The following UGT1A9 variants were observed in gnomAD, a reference collection of about 807,000 sequenced individuals.
UGT1A9 encodes UDP-glucuronosyltransferase 1A9.
A neutral mutation model predicts 45.0 loss-of-function variants in UGT1A9; 35 were observed. That is an observed-to-expected ratio of 0.78 (90% CI 0.59 to 1.03). The LOEUF is 1.03. Among genes scored for constraint, UGT1A9 ranks in the 50% least tolerant of loss-of-function variants. The pLI is 0.00. For synonymous variants in UGT1A9, 278 were observed against 250.6 expected, an observed-to-expected ratio of 1.11 and a Z score of -1.03; for missense variants, 687 against 666.6, an observed-to-expected ratio of 1.03 and a Z score of -0.34.
At chr2:233,678,506 C>T (rs892905431) in intron 1 of UGT1A9, among the ~76,000 whole-genome samples, 10 of 152,070 alleles carry the variant, frequency 6.6e-5, no homozygotes, top group Admixed American at 1.3e-4. Flanking sequence ...GGAAATACAT[C>T]ATAATTACTG....
intron 1 of UGT1A9, among the ~76,000 whole-genome samples, chr2:233,690,245 A>G (rs1435694166): frequency 6.6e-6 from 1 of 152,202 alleles, no homozygotes; most frequent in Non-Finnish European, 1.5e-5. Context: ...CAAATTTCTT[A>G]TTTTAAGTCT....
intron 1 of UGT1A9, among the ~76,000 whole-genome samples, chr2:233,706,498 G>T (rs908363242): frequency 7.2e-5 from 11 of 152,246 alleles, no homozygotes; most frequent in African/African-American, 2.4e-4. Context: ...GTCCAGGCTG[G>T]TGTGATGCTG....
At chr2:233,725,279 GGCA>G (rs367576193) in intron 1 of UGT1A9, among the ~76,000 whole-genome samples, 53 of 44,274 alleles carry the variant, frequency 1.2e-3, no homozygotes, top group East Asian at 6.1e-3. Flanking sequence ...CAGAGGCAGA[GGCA>G]GAGGCAGAGG....
intron 1 of UGT1A9, among the ~76,000 whole-genome samples, chr2:233,694,985 A>T (rs550950022): frequency 2.0e-5 from 3 of 152,288 alleles, no homozygotes; most frequent in Admixed American, 2.0e-4. Context: ...TTATGTTGGG[A>T]ACATTCCCAT....
intron 1 of UGT1A9, among the ~76,000 whole-genome samples, chr2:233,731,455 G>A (rs1469328234): frequency 6.6e-6 from 1 of 152,026 alleles, no homozygotes; most frequent in Non-Finnish European, 1.5e-5. Context: ...CCCACAACAG[G>A]CCCTGGCGTG....
chr2:233,681,869 T>C (rs777670351), intron 1 of UGT1A9: 5 of 1,539,726 alleles, frequency 3.2e-6, no homozygotes, highest in Non-Finnish European at 3.5e-6. Context: ...GTTCTATCTG[T>C]ACTTCTTCCA....
At chr2:233,747,277 G>A (rs1044373750) in intron 1 of UGT1A9, 304 of 1,599,338 alleles carry the variant, frequency 1.9e-4, no homozygotes, top group Non-Finnish European at 2.4e-4. Context: ...CCTTCTCAGT[G>A]CCCAGCCCTG....
chr2:233,704,803 T>C (rs890648963), intron 1 of UGT1A9, among the ~76,000 whole-genome samples: 1 of 152,152 alleles, frequency 6.6e-6, no homozygotes, highest in African/African-American at 2.4e-5. Context: ...TAATTATATA[T>C]ATGTATATTG....
intron 1 of UGT1A9, among the ~76,000 whole-genome samples, chr2:233,675,390 T>C (rs2074319594): frequency 6.6e-6 from 1 of 152,204 alleles, no homozygotes. Context: ...CCTAGTCTTT[T>C]TGAATTTTTG....
At chr2:233,693,615 CT>C (rs779391112) in intron 1 of UGT1A9, 58 of 1,614,100 alleles carry the variant, frequency 3.6e-5, no homozygotes, top group South Asian at 8.8e-5. Context: ...GACCACATGA[CT>C]TTTTCCCAAC....
intron 1 of UGT1A9, among the ~76,000 whole-genome samples, chr2:233,703,898 C>CT (rs1039785943): frequency 2.0e-4 from 29 of 147,302 alleles, no homozygotes; most frequent in African/African-American, 4.5e-4. Context: ...TTTTTCTTTT[C>CT]TTTTTTTTTT....
chr2:233,734,656 T>C (rs2078546605), intron 1 of UGT1A9, among the ~76,000 whole-genome samples: 1 of 152,258 alleles, frequency 6.6e-6, no homozygotes, highest in African/African-American at 2.4e-5. Flanking sequence ...GATTTAATGC[T>C]ATAAATTTCC....
chr2:233,712,436 A>G (rs2076234082), intron 1 of UGT1A9, among the ~76,000 whole-genome samples: 2 of 152,212 alleles, frequency 1.3e-5, no homozygotes, highest in African/African-American at 2.4e-5. Flanking sequence ...CCTGGTGTGA[A>G]AAACGACCAA....
At chr2:233,719,259 G>A (rs746608425) in intron 1 of UGT1A9, 2 of 1,614,146 alleles carry the variant, frequency 1.2e-6, no homozygotes, top group Admixed American at 1.7e-5. Flanking sequence ...TACTTCCTTT[G>A]ATGTGGTTTT....
At chr2:233,741,636 G>A (rs776299256) in intron 1 of UGT1A9, 1 of 151,906 alleles carries the variant, frequency 6.6e-6, no homozygotes, top group Non-Finnish European at 1.5e-5. Flanking sequence ...GCCCCTGTGG[G>A]ATGGTGCCAG....
Position 233,772,251 on chromosome 2 carries a change from T to C in UGT1A9, c.1296-11T>C, listed in dbSNP as rs1700493926. On this transcript the variant is annotated splice_polypyrimidine_tract_variant and intron_variant, in intron 4 of 4. Coordinates refer to ENST00000354728, the MANE Select transcript of UGT1A9 (RefSeq NM_021027.3). ...GTGTTCCAGGCATAACGAAACTGTCTTTGTGTTTAGTTACAAGGAGAACAT... is the reference window on the plus strand; with the variant it reads ...GTGTTCCAGGCATAACGAAACTGTCCTTGTGTTTAGTTACAAGGAGAACAT... The C allele has an allele frequency of 2.5e-6, 4 of 1,614,250 alleles. No homozygotes were observed. The East Asian group carries it at 8.9e-5, about 36-fold the overall frequency.
chr2:233,721,336 T>C (rs1211352998), intron 1 of UGT1A9, among the ~76,000 whole-genome samples: 1 of 152,216 alleles, frequency 6.6e-6, no homozygotes, highest in African/African-American at 2.4e-5. Context: ...TTTTTCACTA[T>C]GAATATATTC....
rs1699515943 is a variant in UGT1A9 at position 233,767,916 on chromosome 2, T to A, written c.1055T>A (p.Leu352Gln). The A allele has an allele frequency of 6.2e-7, 1 of 1,614,242 alleles. No homozygotes were observed. Among genetic ancestry groups the A allele is most frequent in the Non-Finnish European group, 8.5e-7 (1 of 1,180,052 alleles). The stretch of plus-strand genomic sequence containing the variant: ...AACAACACGATACTTGTTAAGTGGC[T>A]ACCCCAAAACGATCTGCTTGGTATG... ...LANNTILVKW[L>Q]PQNDLLGHPM... The change falls in exon 3 of 5, where the codon CTA becomes CAA. Residue 352 changes from leucine (L) to glutamine (Q), a missense_variant. By Grantham distance (113) the Leu-to-Gln change is moderately radical. Coordinates refer to ENST00000354728, the MANE Select transcript of UGT1A9 (RefSeq NM_021027.3).
At chr2:233,756,376 A>G (rs1276716775) in intron 1 of UGT1A9, 1 of 152,194 alleles carries the variant, frequency 6.6e-6, no homozygotes, top group Non-Finnish European at 1.5e-5. Flanking sequence ...ATGCTATGTA[A>G]ATAGTTGTTT....
Sources: allele counts gnomAD v4.1 joint callset (sites outside exome capture counted in the v4.1 genomes callset), GRCh38; gene constraint gnomAD v4.1.1; transcripts MANE v1.5; gene names NCBI Gene and HGNC (gene_info 2026-07-23, HGNC 2026-07-21).